Variants in ALPK2 observed in about 807,000 individuals in gnomAD.
ALPK2 encodes the protein alpha-protein kinase 2.
In ALPK2, 127 loss-of-function variants were observed where a neutral mutation model predicts 163.1. The ratio of observed to expected loss-of-function variants is 0.78; its 90% CI spans 0.67 to 0.90. The LOEUF (loss-of-function observed/expected upper bound fraction) is 0.90, where lower values mean the gene tolerates loss of function less well. ALPK2 is among the 40% of genes least tolerant of loss of function. The probability of loss-of-function intolerance (pLI) is 0.00; values close to 1 mark genes in which losing one functional copy is unlikely to be tolerated. For missense variants in ALPK2, 2,360 were observed against 2,589.6 expected (o/e 0.91, Z 1.92); for synonymous variants, 953 against 959.1 (o/e 0.99, Z 0.12).
intron 1 of ALPK2, among the ~76,000 whole-genome samples, chr18:58,616,663 A>G (rs998769782): frequency 6.6e-6 from 1 of 152,194 alleles, no homozygotes; most frequent in Non-Finnish European, 1.5e-5. Flanking sequence ...TCCCAACTCC[A>G]TGGGGACAGA....
At chr18:58,506,566 C>T (rs2051463037) in intron 10 of ALPK2, among the ~76,000 whole-genome samples, 1 of 152,096 alleles carries the variant, frequency 6.6e-6, no homozygotes, top group Non-Finnish European at 1.5e-5. Context: ...GTGTCAGAAT[C>T]CTGAAGACTC....
In ALPK2 at chr18:58,579,713, A is replaced by T; in HGVS notation, c.1063T>A (p.Phe355Ile). The change falls in exon 4 of 13, where the codon TTT (phenylalanine) becomes ATT (isoleucine). Residue 355 changes from phenylalanine to isoleucine, a missense_variant. Transcript: ENST00000361673. ...TCTTCGTCATCGCTTTCTAATAAAA[A>T]AACATGCTCAGTCCCCAGCAGGTTC... ...QRNLLGTEHV[F>I]LLESDDEEME... The T allele has an allele frequency of 1.2e-6, 2 of 1,614,196 alleles. No homozygotes were observed. Among genetic ancestry groups the T allele is most frequent in the South Asian group, 2.2e-5 (2 of 91,080 alleles).
intron 5 of ALPK2, among the ~76,000 whole-genome samples, chr18:58,531,680 G>A (rs902816048): frequency 2.0e-5 from 3 of 148,644 alleles, no homozygotes; most frequent in African/African-American, 7.4e-5. Flanking sequence ...CGGGCATGCG[G>A]GCATGGTGGC....
chr18:58,498,803 C>T (rs1159615499), intron 11 of ALPK2, among the ~76,000 whole-genome samples: 1 of 152,202 alleles, frequency 6.6e-6, no homozygotes, highest in African/African-American at 2.4e-5. Context: ...TGCCTTCCGC[C>T]TTCCACCATG....
intron 2 of ALPK2, among the ~76,000 whole-genome samples, chr18:58,610,983 A>C (rs1333755697): frequency 6.6e-6 from 1 of 151,590 alleles, no homozygotes; most frequent in African/African-American, 2.4e-5. Flanking sequence ...AATCTCAGCT[A>C]CTTGGGAGGC....
In ALPK2 at chr18:58,536,551, T is replaced by A; in HGVS notation, c.3636A>T (p.Pro1212=). The A allele has an allele frequency of 6.2e-7, 1 of 1,614,006 alleles. No homozygotes were observed. Among genetic ancestry groups the A allele is most frequent in the South Asian group, 1.1e-5 (1 of 91,088 alleles). ...CTTCCAAAAGGATATCAGAGAGAGA[T>A]GGAACGTTGCTCAGAGCCTGACTGT... ...EEDSQALSNV[P]SLSDILLEES... Residue 1212 remains proline (P), a synonymous_variant, in exon 5 of 13, where the codon CCA becomes CCT. Coordinates refer to ENST00000361673, the MANE Select transcript of ALPK2 (RefSeq NM_052947.4).
At chr18:58,572,270 G>A (rs372328843) in intron 4 of ALPK2, among the ~76,000 whole-genome samples, 16 of 152,274 alleles carry the variant, frequency 1.1e-4, no homozygotes, top group Admixed American at 3.3e-4. Context: ...CAGATGTGGC[G>A]TAACTGGGCC....
At chr18:58,490,070 CA>C (rs35949429) in intron 12 of ALPK2, among the ~76,000 whole-genome samples, 4 of 145,266 alleles carry the variant, frequency 2.8e-5, no homozygotes, top group Non-Finnish European at 3.0e-5. Flanking sequence ...GAGTCCGTCT[CA>C]AAAAAAAAAG....
intron 8 of ALPK2, among the ~76,000 whole-genome samples, chr18:58,517,932 A>G (rs916917703): frequency 2.0e-5 from 3 of 152,118 alleles, no homozygotes; most frequent in African/African-American, 7.3e-5. Flanking sequence ...TAAGTTTTCT[A>G]ACAGCTGTTT....
intron 4 of ALPK2, among the ~76,000 whole-genome samples, chr18:58,569,931 C>A (rs1191941102): frequency 2.0e-5 from 3 of 151,916 alleles, no homozygotes; most frequent in Non-Finnish European, 2.9e-5. Context: ...GAGGTCAAGA[C>A]CGTCCTGGCT....
intron 4 of ALPK2, among the ~76,000 whole-genome samples, chr18:58,574,044 G>A (rs910906337): frequency 6.6e-5 from 10 of 152,118 alleles, no homozygotes; most frequent in African/African-American, 1.9e-4. Flanking sequence ...AGGTGAATAT[G>A]ATAGTATCTT....
In ALPK2 at chr18:58,579,208, T is replaced by C. The variant is rs1172216003; in HGVS notation, c.1568A>G (p.Lys523Arg). 2 of 1,612,086 alleles carry C rather than the reference T, an allele frequency of 1.2e-6. No homozygotes were observed. Among genetic ancestry groups the C allele is most frequent in the South Asian group, 1.1e-5 (1 of 90,958 alleles). ...TGAACCCCTCTTGCTCCATAAGTCC[T>C]TTCCCCCCACTCTCTTGTCAGCTGC... The part of the protein sequence containing the change: ...ETAADKRVGG[K>R]DLWSKRGSRK... Residue 523 changes from lysine to arginine, a missense_variant, in exon 4 of 13, where the codon AAG becomes AGG. Lys to Arg is a conservative substitution (Grantham distance 26). Coordinates refer to ENST00000361673, the MANE Select transcript of ALPK2 (RefSeq NM_052947.4).
intron 4 of ALPK2, among the ~76,000 whole-genome samples, chr18:58,565,435 G>A (rs574480027): frequency 6.6e-6 from 1 of 152,228 alleles, no homozygotes; most frequent in African/African-American, 2.4e-5. Flanking sequence ...TCTGATGAAA[G>A]ATGTTATATC....
chr18:58,617,187 A>AATTTATTT (rs1174189545), intron 1 of ALPK2, among the ~76,000 whole-genome samples: 1 of 151,878 alleles, frequency 6.6e-6, no homozygotes, highest in African/African-American at 2.4e-5. Flanking sequence ...TTTGTATTTG[A>AATTTATTT]ATTTATTTAT....
Position 58,536,019 on chromosome 18 carries a change from T to A in ALPK2, c.4168A>T (p.Lys1390Ter), listed in dbSNP as rs2051644442. 6 of 1,611,992 alleles carry A rather than the reference T, an allele frequency of 3.7e-6. No individual in the cohort carries two copies. The highest frequency in any genetic ancestry group is 4.2e-6 in the Non-Finnish European group (5 of 1,178,674). ...ATTTTAGGGCAGGTCAGAAACTTTT[T>A]AAAGAAGGCAGTGTGATCCATCTTG... ...QLKMDHTAFF[K>*]KFLTCPKILE... The change falls in exon 5 of 13, where the codon AAA (lysine) becomes TAA (stop). Residue 1390 changes from lysine (K) to a stop codon, truncating the protein, a stop_gained. Transcript: ENST00000361673. LOFTEE classifies it high-confidence loss of function.
chr18:58,581,707 G>T (rs1256031653), intron 3 of ALPK2, among the ~76,000 whole-genome samples: 1 of 152,096 alleles, frequency 6.6e-6, no homozygotes, highest in Non-Finnish European at 1.5e-5. Flanking sequence ...TCATTTGACC[G>T]CATTGTAATT....
At chr18:58,560,281 G>T (rs1248977915) in intron 4 of ALPK2, among the ~76,000 whole-genome samples, 5 of 152,204 alleles carry the variant, frequency 3.3e-5, no homozygotes, top group Non-Finnish European at 5.9e-5. Flanking sequence ...GACATAACTT[G>T]CTCCTCCTTG....
chr18:58,563,568 G>A (rs978351490), intron 4 of ALPK2, among the ~76,000 whole-genome samples: 3 of 152,174 alleles, frequency 2.0e-5, no homozygotes, highest in African/African-American at 7.2e-5. Context: ...AACAAATGGT[G>A]TGACCACAGG....
rs767874912 is a variant in ALPK2 at position 58,559,262 on chromosome 18, G to A, written c.1962+19552C>T. ...GGGGTTGGGGTGAGGGGAAGAGATC[G>A]CTACTGGCCGGGGATGCTGCTAAAC... On this transcript the variant is annotated intron_variant, in intron 4 of 12. Coordinates refer to ENST00000361673, the MANE Select transcript of ALPK2 (RefSeq NM_052947.4). Among the ~76,000 whole-genome samples the A allele has an allele frequency of 5.3e-5, 8 of 152,278 alleles. 1 individual carries two copies. The South Asian group carries it at 8.3e-4, about 16-fold the overall frequency.
Sources: allele counts gnomAD v4.1 joint callset (sites outside exome capture counted in the v4.1 genomes callset), GRCh38; gene constraint gnomAD v4.1.1; transcripts MANE v1.5; gene names NCBI Gene and HGNC (gene_info 2026-07-23, HGNC 2026-07-21).